The following CREG1 variants were observed in gnomAD, a reference collection of about 807,000 sequenced individuals.
CREG1 encodes the protein protein CREG1.
CREG1 carries 20 observed loss-of-function variants against 19.9 expected under a neutral mutation model. That is an observed-to-expected ratio of 1.01 (90% CI 0.71 to 1.46). The LOEUF is 1.46. Ranked by LOEUF, CREG1 falls within the 40% of genes most tolerant of loss-of-function variation. The probability of loss-of-function intolerance (pLI) is 0.00; values close to 1 mark genes in which losing one functional copy is unlikely to be tolerated. For missense variants in CREG1, 290 were observed against 314.9 expected (o/e 0.92, Z 0.60); for synonymous variants, 141 against 143.3 (o/e 0.98, Z 0.12).
chr1:167,547,594 T>C (rs1003167322), intron 2 of CREG1, among the ~76,000 whole-genome samples: 1 of 152,220 alleles, frequency 6.6e-6, no homozygotes, highest in African/African-American at 2.4e-5. Flanking sequence ...TGACTGGGCA[T>C]GGCAATCACA....
Position 167,547,888 on chromosome 1 carries a change from T to A in CREG1, c.474+114A>T, listed in dbSNP as rs2995065. On this transcript the variant is annotated intron_variant, in intron 2 of 3. Coordinates refer to ENST00000370509, the MANE Select transcript of CREG1 (RefSeq NM_003851.3). Reference sequence around the variant, plus strand: ...GTAAGCCGAGATCACACCACTGCACTCCAGCCTGGGAGACAGAGTGAGACT... The same window carrying A: ...GTAAGCCGAGATCACACCACTGCACACCAGCCTGGGAGACAGAGTGAGACT... 8.8e-3 allele frequency: 11,009 copies of A among 1,245,204 alleles called. 736 individuals are homozygous for A. In the African/African-American group the frequency reaches 0.15, roughly 16 times the overall value. 77.1% of individuals were successfully genotyped at this position (1,245,204 alleles called of 1,614,324 possible). A position where few individuals can be genotyped will look rare whatever the true frequency, so the allele number is the denominator to read the frequency against.
Position 167,548,003 on chromosome 1 carries a change from T to C in CREG1, c.473A>G (p.Lys158Arg). The change falls in exon 2 of 4, where the codon AAG becomes AGG. Residue 158 changes from lysine (K) to arginine (R), a missense_variant and splice_region_variant. Physicochemically the swap from Lys to Arg is conservative, Grantham distance 26. Coordinates refer to ENST00000370509, the MANE Select transcript of CREG1 (RefSeq NM_003851.3). ...VHIMLSGTVT[K>R]VNETEMDIAK... is the part of the protein sequence containing the mutation. ...CCTTCCTGTAGGATAACTACTTACC[T>C]TGGTCACAGTTCCTGACAGCATTAT... The C allele has an allele frequency of 6.2e-7, 1 of 1,609,988 alleles. No homozygotes were observed. The highest frequency in any genetic ancestry group is 8.5e-7 in the Non-Finnish European group (1 of 1,176,496).
At chr1:167,544,115 A>G (rs1254847543) in intron 3 of CREG1, among the ~76,000 whole-genome samples, 1 of 152,206 alleles carries the variant, frequency 6.6e-6, no homozygotes, top group Admixed American at 6.5e-5. Context: ...CTATATTCCT[A>G]TGAAGTCAGA....
At chr1:167,547,903 AGAGT>A in intron 2 of CREG1, 95 bp downstream of exon 2, 1 of 1,347,300 alleles carries the variant, frequency 7.4e-7, no homozygotes, top group South Asian at 1.3e-5. Flanking sequence ...CCTGGGAGAC[AGAGT>A]GAGACTCTGT....
chr1:167,553,101 C>T (rs532550819), intron 1 of CREG1, among the ~76,000 whole-genome samples: 5 of 152,030 alleles, frequency 3.3e-5, no homozygotes, highest in African/African-American at 1.2e-4. Context: ...AGACACTGGG[C>T]CCCAAGACGA....
In CREG1 at chr1:167,548,091, A is replaced by C. The variant is rs778294403; in HGVS notation, c.385T>G (p.Leu129Val). The change falls in exon 2 of 4, where the codon TTG (leucine) becomes GTG (valine). Residue 129 changes from leucine to valine, a missense_variant. By Grantham distance (32) the Leu-to-Val change is conservative. Transcript: ENST00000370509. ...ENPYATLTMTLAQTNFCKKHG... is the reference protein window; with the variant it reads ...ENPYATLTMTVAQTNFCKKHG... The stretch of plus-strand genomic sequence containing the variant: ...TTCTTGCAGAAGTTGGTCTGTGCCA[A>C]AGTCATGGTCAGTGTAGCATATGGA... 1.2e-6 allele frequency: 2 copies of C among 1,613,318 alleles called. No individual in the cohort carries two copies. Among genetic ancestry groups the C allele is most frequent in the East Asian group, 4.5e-5 (2 of 44,866 alleles).
chr1:167,542,873 A>G (rs1656249768), intron 3 of CREG1, among the ~76,000 whole-genome samples: 1 of 152,190 alleles, frequency 6.6e-6, no homozygotes, highest in Non-Finnish European at 1.5e-5. Flanking sequence ...GATGTGCGCC[A>G]GAGGAGATAA....
At chr1:167,553,305 G>T in intron 1 of CREG1, 83 bp downstream of exon 1, 1 of 1,096,400 alleles carries the variant, frequency 9.1e-7, no homozygotes, top group South Asian at 2.3e-5. Context: ...CACTTCCCGG[G>T]AAGAATTCTG....
rs1481221653 is a variant in CREG1, at chr1:167,546,204, T to C, written c.556A>G (p.Asn186Asp). 6.2e-7 allele frequency: 1 copy of C among 1,613,476 alleles called. No individual in the cohort carries two copies. The change falls in exon 3 of 4, where the codon AAT becomes GAT. Residue 186 changes from asparagine (N) to aspartate (D), a missense_variant. By Grantham distance (23) the Asn-to-Asp change is conservative. Transcript: ENST00000370509. ...ATATTCAACTTAGCAAAGAACCAAT[T>C]ATGGCTGGAAGGCCAGGTTTTCATC... ...PEMKTWPSSH[N>D]WFFAKLNITN...
intron 3 of CREG1, among the ~76,000 whole-genome samples, chr1:167,542,966 G>A (rs1432326633): frequency 6.6e-6 from 1 of 152,186 alleles, no homozygotes; most frequent in Non-Finnish European, 1.5e-5. Flanking sequence ...ACTGCTTGTT[G>A]GGCGGGCGCG....
At chr1:167,546,770 G>T (rs1278489483) in intron 2 of CREG1, among the ~76,000 whole-genome samples, 1 of 152,208 alleles carries the variant, frequency 6.6e-6, no homozygotes, top group Non-Finnish European at 1.5e-5. Context: ...AGAGAATAAA[G>T]ATTTCAATTG....
chr1:167,552,797 A>G (rs1656442927), intron 1 of CREG1, among the ~76,000 whole-genome samples: 1 of 152,204 alleles, frequency 6.6e-6, no homozygotes, highest in Non-Finnish European at 1.5e-5. Flanking sequence ...CTGTAATCCC[A>G]GCACTTTGGG....
chr1:167,550,952 G>A (rs879572443), intron 1 of CREG1, among the ~76,000 whole-genome samples: 3 of 152,074 alleles, frequency 2.0e-5, no homozygotes, highest in Admixed American at 6.5e-5. Context: ...AACAGAAAGG[G>A]GCACATCACA....
chr1:167,545,151 C>T (rs1054016998), intron 3 of CREG1, among the ~76,000 whole-genome samples: 1 of 152,092 alleles, frequency 6.6e-6, no homozygotes, highest in Non-Finnish European at 1.5e-5. Context: ...GGGTTACTTG[C>T]TCAGACTCAG....
intron 3 of CREG1, among the ~76,000 whole-genome samples, chr1:167,545,624 C>T (rs1656303873): frequency 6.6e-6 from 1 of 151,936 alleles, no homozygotes; most frequent in Non-Finnish European, 1.5e-5. Context: ...CTCAGGAGTT[C>T]GACACCACCC....
At chr1:167,546,059 G>C in intron 3 of CREG1, 42 bp downstream of exon 3, 1 of 1,524,810 alleles carries the variant, frequency 6.6e-7, no homozygotes, top group Non-Finnish European at 8.9e-7. Context: ...GAGGATGGCT[G>C]TAAGGGCGGC....
rs1656235572 is a variant in CREG1 at position 167,542,043 on chromosome 1, T to TTC, written c.*254_*255insGA. The stretch of plus-strand genomic sequence containing the variant: ...ATTGATGGGACAAAACTTATTTGAT[T>TTC]ATAGTGAAGGATATTTCTCTACGAA... On this transcript the variant is annotated 3_prime_UTR_variant, in exon 4 of 4. Transcript: ENST00000370509. 2.7e-6 allele frequency: 1 copy of TTC among 372,952 alleles called. No individual in the cohort carries two copies. The highest frequency in any genetic ancestry group is 4.8e-6 in the Non-Finnish European group (1 of 207,016). 23.1% of individuals were successfully genotyped at this position (372,952 alleles called of 1,614,324 possible). A position where few individuals can be genotyped will look rare whatever the true frequency, so the allele number is the denominator to read the frequency against.
intron 1 of CREG1, 62 bp downstream of exon 1, chr1:167,553,326 A>C: frequency 8.3e-7 from 1 of 1,211,032 alleles, no homozygotes; most frequent in South Asian, 2.0e-5. Context: ...GGGAGAGTGA[A>C]GGCTCGCTCT....
intron 1 of CREG1, among the ~76,000 whole-genome samples, chr1:167,551,965 CA>C (rs1213186703): frequency 1.3e-5 from 2 of 152,232 alleles, no homozygotes; most frequent in East Asian, 3.9e-4. Context: ...TCCCATTTTT[CA>C]AGAAAAGTTA....
Sources: gnomAD v4.1 joint callset for allele counts (sites outside exome capture counted in the v4.1 genomes callset) on GRCh38, gnomAD v4.1.1 for gene constraint, MANE v1.5 for transcripts, NCBI Gene and HGNC (gene_info 2026-07-23, HGNC 2026-07-21) for gene names.